RBP7: variants seen among roughly 807,000 people sequenced by gnomAD.
RBP7 encodes retinoid-binding protein 7.
Under a neutral mutation model 16.7 loss-of-function variants are expected in RBP7, and 13 were observed. That is an observed-to-expected ratio of 0.78 (90% confidence interval 0.51 to 1.24). The LOEUF is 1.24. Among genes scored for constraint, RBP7 ranks in the 50% most tolerant of loss-of-function variants. The pLI, the probability that RBP7 is intolerant of heterozygous loss-of-function variation, is 0.00. For synonymous variants in RBP7, 54 were observed against 56.2 expected (o/e 0.96, Z 0.17); for missense variants, 145 against 159.5 (o/e 0.91, Z 0.49).
intron 1 of RBP7, among the ~76,000 whole-genome samples, chr1:9,998,469 A>G (rs1642213362): frequency 2.3e-5 from 3 of 129,120 alleles, no homozygotes; most frequent in African/African-American, 9.1e-5. Context: ...GTGCAGTAGT[A>G]CGATCTCGGC....
In RBP7 at chr1:10,015,868, G is replaced by C; in HGVS notation, c.*36G>C. 1 of 1,597,244 alleles carries C rather than the reference G, an allele frequency of 6.3e-7. No individual in the cohort carries two copies. The highest frequency in any genetic ancestry group is 2.2e-5 in the East Asian group (1 of 44,804). ...GCAGCAGAGCCCACTTGTGGCTGCA[G>C]CTTTATGCCAAATTATATTGCAGAC... On this transcript the variant is annotated 3_prime_UTR_variant, in exon 4 of 4. Coordinates refer to ENST00000294435, the MANE Select transcript of RBP7 (RefSeq NM_052960.3).
intron 3 of RBP7, among the ~76,000 whole-genome samples, chr1:10,014,586 CA>C (rs1557488341): frequency 6.6e-6 from 1 of 151,972 alleles, no homozygotes; most frequent in African/African-American, 2.4e-5. Context: ...AGGGTTTTGC[CA>C]TGTTGGCCAG....
chr1:10,003,679 G>A (rs539040596), intron 1 of RBP7, among the ~76,000 whole-genome samples: 6 of 152,306 alleles, frequency 3.9e-5, no homozygotes, highest in South Asian at 4.1e-4. Flanking sequence ...GCTAATCCCC[G>A]CTCTGGGGCT....
At chr1:10,012,002 G>C (rs1486207085) in intron 3 of RBP7, among the ~76,000 whole-genome samples, 1 of 151,906 alleles carries the variant, frequency 6.6e-6, no homozygotes, top group Admixed American at 6.6e-5. Context: ...GGGAGTTTGA[G>C]ACCAGCCTGA....
Position 10,007,570 on chromosome 1 carries a change from G to T in RBP7, c.74G>T (p.Gly25Val), listed in dbSNP as rs759611587. Residue 25 changes from glycine (G) to valine (V), a missense_variant and splice_region_variant, in exon 2 of 4, where the codon GGT becomes GTT. By Grantham distance (109) the Gly-to-Val change is moderately radical. Coordinates refer to ENST00000294435, the MANE Select transcript of RBP7 (RefSeq NM_052960.3). ...AATATTTTTAAAAATTATTTTTAAGGTATTGACTTTGCCACTCGTAAAATA... is the reference window on the plus strand; with the variant it reads ...AATATTTTTAAAAATTATTTTTAAGTTATTGACTTTGCCACTCGTAAAATA... ...DNFEGYMLALGIDFATRKIAK... is the reference protein window; with the variant it reads ...DNFEGYMLALVIDFATRKIAK... 1.3e-6 allele frequency: 2 copies of T among 1,590,908 alleles called. No homozygotes were observed. Among genetic ancestry groups the T allele is most frequent in the South Asian group, 2.3e-5 (2 of 87,398 alleles).
At chr1:10,007,296 C>T in intron 1 of RBP7, 1 of 376,036 alleles carries the variant, frequency 2.7e-6, no homozygotes, top group East Asian at 5.9e-5. Flanking sequence ...GTTGCCCAGG[C>T]TGGTCTCAAA....
At chr1:10,009,140 G>A (rs1642534412) in intron 3 of RBP7, among the ~76,000 whole-genome samples, 1 of 152,108 alleles carries the variant, frequency 6.6e-6, no homozygotes, top group African/African-American at 2.4e-5. Context: ...GACTGGGCGA[G>A]GTGGCTCACG....
intron 3 of RBP7, among the ~76,000 whole-genome samples, chr1:10,011,739 TCA>T (rs1642624427): frequency 6.6e-6 from 1 of 152,058 alleles, no homozygotes; most frequent in Non-Finnish European, 1.5e-5. Context: ...TGGACAAATC[TCA>T]CACTCTTCTG....
chr1:10,002,119 C>CA (rs1449865261), intron 1 of RBP7, among the ~76,000 whole-genome samples: 1 of 152,120 alleles, frequency 6.6e-6, no homozygotes, highest in South Asian at 2.1e-4. Flanking sequence ...TGAGCCACCA[C>CA]ATCTGGCCCT....
chr1:9,998,508 C>T (rs1642214025), intron 1 of RBP7, among the ~76,000 whole-genome samples: 1 of 148,236 alleles, frequency 6.7e-6, no homozygotes, highest in Non-Finnish European at 1.5e-5. Flanking sequence ...ACCGGGTTCA[C>T]GCCATTTTCC....
intron 1 of RBP7, among the ~76,000 whole-genome samples, chr1:10,003,817 G>A (rs1642344036): frequency 6.6e-6 from 1 of 152,004 alleles, no homozygotes; most frequent in Non-Finnish European, 1.5e-5. Flanking sequence ...GTGCAGTAGC[G>A]AGATTTCAGC....
At chr1:10,013,802 C>T (rs1043524176) in intron 3 of RBP7, among the ~76,000 whole-genome samples, 3 of 151,986 alleles carry the variant, frequency 2.0e-5, no homozygotes, top group African/African-American at 7.2e-5. Context: ...AAGAGCAAGA[C>T]TCCGTCGCAA....
At chr1:10,002,254 T>C (rs1395155532) in intron 1 of RBP7, among the ~76,000 whole-genome samples, 1 of 152,136 alleles carries the variant, frequency 6.6e-6, no homozygotes, top group East Asian at 1.9e-4. Context: ...TTGTGTGGAC[T>C]CCTTTGAGAT....
At chr1:10,000,842 T>C (rs1043925602) in intron 1 of RBP7, among the ~76,000 whole-genome samples, 1 of 151,402 alleles carries the variant, frequency 6.6e-6, no homozygotes, top group African/African-American at 2.4e-5. Context: ...TTCAAGCAAT[T>C]CTCCTGCTTC....
chr1:10,013,595 C>T (rs892255013), intron 3 of RBP7, among the ~76,000 whole-genome samples: 9 of 151,824 alleles, frequency 5.9e-5, no homozygotes, highest in African/African-American at 2.2e-4. Context: ...GATCATCTGA[C>T]GTTAGGAGTT....
At chr1:10,015,642 G>A (rs1171727414) in intron 3 of RBP7, 140 bp from the exon 4 acceptor site, 18 of 669,958 alleles carry the variant, frequency 2.7e-5, no homozygotes, top group Non-Finnish European at 3.9e-5. Flanking sequence ...TAGCCAGGAC[G>A]ACAGAGTGAG....
At chr1:10,008,315 T>A (rs376357721) in intron 3 of RBP7, 41 bp downstream of exon 3, 2 of 1,347,778 alleles carry the variant, frequency 1.5e-6, no homozygotes, top group Non-Finnish European at 2.1e-6. Context: ...GATACAGTAT[T>A]AAAGGAAACA....
At chr1:10,012,208 T>A in intron 3 of RBP7, among the ~76,000 whole-genome samples, 1 of 91,168 alleles carries the variant, frequency 1.1e-5, no homozygotes. Context: ...TGAAACTCCA[T>A]CTCAAAAAAA....
At position 10,016,018 on chromosome 1, in the gene RBP7, T is replaced by C. The variant is rs994683595; in HGVS notation, c.*186T>C. On this transcript the variant is annotated 3_prime_UTR_variant, in exon 4 of 4. Transcript: ENST00000294435. ...CTCAGCTTCAATAAACCTGTCCAAA[T>C]GACTCTGAAGTTTTTCCTTTCCGAT... 1 of 586,050 alleles carries C rather than the reference T, an allele frequency of 1.7e-6. No individual in the cohort carries two copies. The highest frequency in any genetic ancestry group is 1.9e-5 in the African/African-American group (1 of 53,470). The allele number at this position is 586,050 out of a possible 1,614,324, so 36.3% of individuals were successfully genotyped here. A position where few individuals can be genotyped will look rare whatever the true frequency, so the allele number is the denominator to read the frequency against.
Sources: gnomAD v4.1 joint callset for allele counts (sites outside exome capture counted in the v4.1 genomes callset) on GRCh38, gnomAD v4.1.1 for gene constraint, MANE v1.5 for transcripts, NCBI Gene and HGNC (gene_info 2026-07-23, HGNC 2026-07-21) for gene names.